The following ZNF814 variants were observed in gnomAD, a reference collection of about 807,000 sequenced individuals.
The protein encoded by ZNF814 is zinc finger protein 814.
ZNF814 carries 5 observed loss-of-function variants against 7.5 expected under a neutral mutation model. That is an observed-to-expected ratio of 0.67 (90% CI 0.35 to 1.40). The LOEUF is 1.40. ZNF814 is among the 40% of genes most tolerant of loss of function. ZNF814 has a pLI of 0.04. For missense variants in ZNF814, 962 were observed against 1,018.0 expected (o/e 0.94, Z 0.75); for synonymous variants, 315 against 340.7 (o/e 0.92, Z 0.83).
In ZNF814 at chr19:57,873,020, G is replaced by C; in HGVS notation, c.2370C>G (p.His790Gln). ...GCTTTTCTCCAGTGTGAACTCTTTT[G>C]TGTTTTGTGAAACTGGAGCTTTCAG... ...SFAESSSFTK[H>Q]KRVHTGEKPY... The change falls in exon 3 of 3, where the codon CAC (histidine) becomes CAG (glutamine). Residue 790 changes from histidine (H) to glutamine (Q), a missense_variant. Around this residue, in one of 7 missense-constraint regions of ZNF814, gnomAD observed 665 missense variants for 551.4 expected, o/e 1.21. Coordinates refer to ENST00000435989, the MANE Select transcript of ZNF814 (RefSeq NM_001144989.2). 1 of 1,613,272 alleles carries C rather than the reference G, an allele frequency of 6.2e-7. No homozygotes were observed. The highest frequency in any genetic ancestry group is 1.3e-5 in the African/African-American group (1 of 74,840).
the ZNF814 span, among the ~76,000 whole-genome samples, chr19:57,899,318 G>A: frequency 1.6e-4 from 25 of 152,264 alleles, no homozygotes; most frequent in Middle Eastern, 6.8e-3. Flanking sequence ...TTTATGTGCA[G>A]CTGACACTAG....
Position 57,872,637 on chromosome 19 carries a change from C to A in ZNF814, c.*185G>T. ...GACTGAAAGTTTCAGCAAAGGATTT[C>A]CCACATTCACTGCACTCATAAGGTG... is the stretch of plus-strand genomic sequence containing the variant. On this transcript the variant is annotated 3_prime_UTR_variant, in exon 3 of 3. Coordinates refer to ENST00000435989, the MANE Select transcript of ZNF814 (RefSeq NM_001144989.2). The A allele has an allele frequency of 6.9e-7, 1 of 1,452,980 alleles. No homozygotes were observed. The highest frequency in any genetic ancestry group is 9.5e-7 in the Non-Finnish European group (1 of 1,056,228). 90.0% of individuals were successfully genotyped at this position (1,452,980 alleles called of 1,614,324 possible).
rs1016104593 is a variant in ZNF814 at position 57,888,943 on chromosome 19, G to A, written c.-141C>T. 2.3e-6 allele frequency: 2 copies of A among 867,386 alleles called. No individual in the cohort carries two copies. The highest frequency in any genetic ancestry group is 1.7e-5 in the African/African-American group (1 of 58,796). 53.7% of individuals were successfully genotyped at this position (867,386 alleles called of 1,614,324 possible). On this transcript the variant is annotated 5_prime_UTR_variant, in exon 1 of 3. Transcript: ENST00000435989. ...TCCAGAGTAGCCTCTGTGCAGCGGA[G>A]GACAACTGCTCCCCGACTTCTGGGT...
chr19:57,903,999 C>G, the ZNF814 span, among the ~76,000 whole-genome samples: 227 of 152,274 alleles, frequency 1.5e-3, 1 homozygote, highest in Non-Finnish European at 2.5e-3. Context: ...GCTGCCCTGC[C>G]GCAGTACAAT....
At chr19:57,901,511 GC>G in the ZNF814 span, 2 of 397,734 alleles carry the variant, frequency 5.0e-6, no homozygotes, top group East Asian at 7.1e-5. Context: ...ACAATCAGGT[GC>G]CTCTGTGGGT....
chr19:57,877,240 G>A (rs2071614349), intron 1 of ZNF814, among the ~76,000 whole-genome samples, 198 bp from the exon 2 acceptor site: 1 of 152,082 alleles, frequency 6.6e-6, no homozygotes, highest in Admixed American at 6.5e-5. Context: ...TGTGACGTAA[G>A]AGTCCACCCC....
In ZNF814 at chr19:57,873,048, A is replaced by C. The variant is rs747788450; in HGVS notation, c.2342T>G (p.Phe781Cys). 2.7e-5 allele frequency: 43 copies of C among 1,613,908 alleles called. No homozygotes were observed. Among genetic ancestry groups the C allele is most frequent in the South Asian group, 7.7e-5 (7 of 91,052 alleles). Residue 781 changes from phenylalanine to cysteine, a missense_variant, in exon 3 of 3, where the codon TTC (phenylalanine) becomes TGC (cysteine). By Grantham distance (205) the Phe-to-Cys change is radical. Around this residue, in one of 7 missense-constraint regions of ZNF814, gnomAD observed 665 missense variants for 551.4 expected, o/e 1.21. Coordinates refer to ENST00000435989, the MANE Select transcript of ZNF814 (RefSeq NM_001144989.2). ...TTTTGTGAAACTGGAGCTTTCAGCG[A>C]AAGATTTTCCACATTCACTGCACTC... ...PYECSECGKS[F>C]AESSSFTKHK...
chr19:57,889,085 C>A (rs1438817564), upstream of ZNF814: 3 of 507,112 alleles, frequency 5.9e-6, no homozygotes, highest in Non-Finnish European at 1.1e-5. Flanking sequence ...GTCACGTGCA[C>A]ACAGGAAACG....
At chr19:57,879,846 C>G (rs1221561435) in intron 1 of ZNF814, among the ~76,000 whole-genome samples, 4 of 125,492 alleles carry the variant, frequency 3.2e-5, no homozygotes, top group African/African-American at 1.2e-4. Flanking sequence ...AATCCCAGCA[C>G]TTTGGAAGGC....
the ZNF814 span, chr19:57,900,206 C>G: frequency 6.6e-6 from 1 of 152,130 alleles, no homozygotes; most frequent in Admixed American, 6.5e-5. Flanking sequence ...GAACTTATTG[C>G]TGTAATTACA....
rs759184795 is a variant in ZNF814, at chr19:57,874,743, C to T, written c.647G>A (p.Cys216Tyr). Residue 216 changes from cysteine (C) to tyrosine (Y), a missense_variant, in exon 3 of 3, where the codon TGT becomes TAT. Physicochemically the swap from Cys to Tyr is radical, Grantham distance 194 (BLOSUM62 -2). Coordinates refer to ENST00000435989, the MANE Select transcript of ZNF814 (RefSeq NM_001144989.2). ...PIQCGGAHYS[C>Y]GESMKHFSTK... is the part of the protein sequence containing the mutation. Reference sequence around the variant, plus strand: ...GCTAAAATGTTTCATGGATTCTCCACAGCTGTAGTGAGCTCCCCCACACTG... The same window carrying T: ...GCTAAAATGTTTCATGGATTCTCCATAGCTGTAGTGAGCTCCCCCACACTG... 6.2e-6 allele frequency: 10 copies of T among 1,611,292 alleles called. No individual in the cohort carries two copies. Among genetic ancestry groups the T allele is most frequent in the African/African-American group, 4.0e-5 (3 of 74,928 alleles).
At chr19:57,893,755 C>T (rs1169804743), upstream of ZNF814, among the ~76,000 whole-genome samples, 1 of 151,464 alleles carries the variant, frequency 6.6e-6, no homozygotes, top group Non-Finnish European at 1.5e-5. Flanking sequence ...CCCGTCTCTA[C>T]TAAAAATTGA....
intron 1 of ZNF814, among the ~76,000 whole-genome samples, chr19:57,887,409 C>T (rs1267383215): frequency 6.6e-6 from 1 of 152,206 alleles, no homozygotes; most frequent in Non-Finnish European, 1.5e-5. Flanking sequence ...TGGCCCAGAC[C>T]AAGATGCCTT....
In ZNF814 at chr19:57,885,297, G is replaced by A. The variant is rs1180036180; in HGVS notation, c.36+3470C>T. 3.3e-5 allele frequency among the ~76,000 whole-genome samples: 5 copies of A among 151,048 alleles called. 1 individual carries two copies. In the East Asian group the frequency reaches 9.7e-4, roughly 29 times the overall value. ...TGATCGCACCACTGCACTCCAGCCTGGGCAACAGAGAAGGACTCCGTCTCA... is the reference window on the plus strand; with the variant it reads ...TGATCGCACCACTGCACTCCAGCCTAGGCAACAGAGAAGGACTCCGTCTCA... On this transcript the variant is annotated intron_variant, in intron 1 of 2. Transcript: ENST00000435989.
In ZNF814 at chr19:57,870,292, A is replaced by G. The variant is rs773016260; in HGVS notation, c.*2530T>C. ...AAAAAATGCAGTTCAAAAGAAAAATATAGATTTACCATTATTTTTGGAAAA... is the reference window on the plus strand; with the variant it reads ...AAAAAATGCAGTTCAAAAGAAAAATGTAGATTTACCATTATTTTTGGAAAA... On this transcript the variant is annotated 3_prime_UTR_variant, in exon 3 of 3. Transcript: ENST00000435989. 6.6e-6 allele frequency: 1 copy of G among 152,202 alleles called. No individual in the cohort carries two copies. Among genetic ancestry groups the G allele is most frequent in the Non-Finnish European group, 1.5e-5 (1 of 68,036 alleles). 9.4% of individuals were successfully genotyped at this position (152,202 alleles called of 1,614,324 possible). A position where few individuals can be genotyped will look rare whatever the true frequency, so the allele number is the denominator to read the frequency against.
chr19:57,877,139 C>G, intron 1 of ZNF814, 97 bp from the exon 2 acceptor site: 1 of 1,541,066 alleles, frequency 6.5e-7, no homozygotes, highest in Middle Eastern at 1.7e-4. Context: ...ATCCTCCTCT[C>G]AAGGTCCTCA....
chr19:57,902,852 A>T, the ZNF814 span, among the ~76,000 whole-genome samples: 6 of 150,572 alleles, frequency 4.0e-5, no homozygotes, highest in South Asian at 2.1e-4. Context: ...TTATTTATTT[A>T]TTTTTTTTAG....
the ZNF814 span, among the ~76,000 whole-genome samples, chr19:57,897,007 T>C: frequency 1.3e-5 from 2 of 152,208 alleles, no homozygotes; most frequent in African/African-American, 2.4e-5. Flanking sequence ...ATGCACTGTG[T>C]GCTTACGGGC....
chr19:57,878,930 T>A (rs1458990246), intron 1 of ZNF814, among the ~76,000 whole-genome samples: 1 of 151,790 alleles, frequency 6.6e-6, no homozygotes, highest in Non-Finnish European at 1.5e-5. Context: ...CACGCACACA[T>A]ACACATGCAC....
Sources: allele counts gnomAD v4.1 joint callset (sites outside exome capture counted in the v4.1 genomes callset), GRCh38; gene constraint gnomAD v4.1.1; regional missense constraint gnomAD v4.1.1; transcripts MANE v1.5; gene names NCBI Gene and HGNC (gene_info 2026-07-23, HGNC 2026-07-21).